KLB: variants seen among roughly 807,000 people sequenced by gnomAD.
KLB encodes the protein klotho beta.
In KLB, 44 loss-of-function variants were observed where a neutral mutation model predicts 88.4. The observed-to-expected ratio is 0.50, with a 90% CI of 0.39 to 0.64. KLB has a LOEUF of 0.64. Ranked by LOEUF, KLB falls within the 30% of genes least tolerant of loss-of-function variation. The pLI is 0.00. For synonymous variants in KLB, 548 were observed against 513.4 expected, an observed-to-expected ratio of 1.07 and a Z score of -0.91; for missense variants, 1,137 against 1,304.8, an observed-to-expected ratio of 0.87 and a Z score of 1.98.
intron 1 of KLB, among the ~76,000 whole-genome samples, chr4:39,417,335 A>G (rs1742986633): frequency 6.7e-6 from 1 of 150,336 alleles, no homozygotes; most frequent in Non-Finnish European, 1.5e-5. Flanking sequence ...TTTGTTTGAG[A>G]CGGAGTTTCG....
At chr4:39,412,707 G>A (rs774362091) in intron 1 of KLB, among the ~76,000 whole-genome samples, 4 of 152,094 alleles carry the variant, frequency 2.6e-5, no homozygotes, top group African/African-American at 4.8e-5. Flanking sequence ...GCACTCATAC[G>A]ACATGATACT....
intron 1 of KLB, among the ~76,000 whole-genome samples, chr4:39,416,148 A>G (rs1402016078): frequency 6.6e-6 from 1 of 151,870 alleles, no homozygotes. Flanking sequence ...CAGGCTAAAC[A>G]TTAGTCTTTC....
chr4:39,438,030 G>A (rs1315387385), intron 3 of KLB, 35 bp downstream of exon 3: 4 of 1,583,168 alleles, frequency 2.5e-6, no homozygotes, highest in Non-Finnish European at 2.6e-6. Flanking sequence ...CATAAACTGG[G>A]AAAAACAGTA....
chr4:39,407,914 G>T, intron 1 of KLB, 140 bp downstream of exon 1: 1 of 540,030 alleles, frequency 1.9e-6, no homozygotes, highest in Non-Finnish European at 3.2e-6. Flanking sequence ...CTCAAATTTT[G>T]CATTTAAGTT....
intron 1 of KLB, among the ~76,000 whole-genome samples, chr4:39,431,791 A>G (rs1743368397): frequency 6.6e-6 from 1 of 152,204 alleles, no homozygotes; most frequent in African/African-American, 2.4e-5. Flanking sequence ...GGTTTATGGA[A>G]TATTTTCAGG....
chr4:39,438,253 A>G (rs1743525731), intron 3 of KLB, among the ~76,000 whole-genome samples: 1 of 152,196 alleles, frequency 6.6e-6, no homozygotes, highest in South Asian at 2.1e-4. Flanking sequence ...TACAGTCTAG[A>G]GGGAACTTAC....
Position 39,437,820 on chromosome 4 carries a change from G to A in KLB, c.1430G>A (p.Gly477Glu). ...CAGGATGCTTACACCATCCGCCGAGGATTATTTTATGTGGATTTTAACAGT... is the reference window on the plus strand; with the variant it reads ...CAGGATGCTTACACCATCCGCCGAGAATTATTTTATGTGGATTTTAACAGT... ...EWQDAYTIRR[G>E]LFYVDFNSKQ... Residue 477 changes from glycine (G) to glutamate (E), a missense_variant, in exon 3 of 5, where the codon GGA (glycine) becomes GAA (glutamate). Coordinates refer to ENST00000257408, the MANE Select transcript of KLB (RefSeq NM_175737.4). 1 of 1,614,136 alleles carries A rather than the reference G, an allele frequency of 6.2e-7. No homozygotes were observed. Among genetic ancestry groups the A allele is most frequent in the East Asian group, 2.2e-5 (1 of 44,888 alleles).
At chr4:39,419,268 C>T (rs763762743) in intron 1 of KLB, among the ~76,000 whole-genome samples, 6 of 152,018 alleles carry the variant, frequency 3.9e-5, no homozygotes, top group African/African-American at 7.3e-5. Flanking sequence ...AATAATATTG[C>T]GATCCTATTT....
In KLB at chr4:39,446,930, G is replaced by A. The variant is rs770004204; in HGVS notation, c.2204G>A (p.Arg735His). ...GACCGGCAGTTCAGGCCCTCACAGC[G>A]CGGGGCCGTGTCGCTGTCGCTGCAC... ...LYDRQFRPSQ[R>H]GAVSLSLHAD... The change falls in exon 4 of 5, where the codon CGC becomes CAC. Residue 735 changes from arginine (R) to histidine (H), a missense_variant. Coordinates refer to ENST00000257408, the MANE Select transcript of KLB (RefSeq NM_175737.4). The surrounding 1 kb of genome is among the most constrained non-coding windows in gnomAD (Gnocchi z 6.4). 1 of 1,604,496 alleles carries A rather than the reference G, an allele frequency of 6.2e-7. No homozygotes were observed. The highest frequency in any genetic ancestry group is 8.5e-7 in the Non-Finnish European group (1 of 1,178,820).
chr4:39,426,407 C>G (rs1743217111), intron 1 of KLB, among the ~76,000 whole-genome samples: 1 of 96,210 alleles, frequency 1.0e-5, no homozygotes. Flanking sequence ...GAGCAAGACT[C>G]CTATCTAAAA....
chr4:39,430,587 G>C (rs1274634791), intron 1 of KLB, among the ~76,000 whole-genome samples: 1 of 136,508 alleles, frequency 7.3e-6, no homozygotes, highest in Non-Finnish European at 1.5e-5. Flanking sequence ...ACTTCTCTGA[G>C]AGGAAATTTT....
Position 39,434,427 on chromosome 4 carries a change from T to C in KLB, c.1043T>C (p.Leu348Ser). 4 of 1,614,190 alleles carry C rather than the reference T, an allele frequency of 2.5e-6. No homozygotes were observed. The East Asian group carries it at 8.9e-5, about 36-fold the overall frequency. The stretch of plus-strand genomic sequence containing the variant: ...TATCCAGAGGGGATGAGAAAGAAGT[T>C]GTTCTCCGTTCTACCCATTTTCTCT... ...GDYPEGMRKK[L>S]FSVLPIFSEA... Residue 348 changes from leucine (L) to serine (S), a missense_variant, in exon 2 of 5, where the codon TTG (leucine) becomes TCG (serine). Leu to Ser is a moderately radical substitution (Grantham distance 145, BLOSUM62 -2). This residue lies in a region of KLB where 597 missense variants were observed against 765.2 expected (regional missense o/e 0.78). Coordinates refer to ENST00000257408, the MANE Select transcript of KLB (RefSeq NM_175737.4).
chr4:39,439,494 C>T (rs996731353), intron 3 of KLB, among the ~76,000 whole-genome samples: 22 of 152,014 alleles, frequency 1.4e-4, no homozygotes, highest in Admixed American at 3.3e-4. Flanking sequence ...GAGACAGAGT[C>T]TCGCTCTGTT....
At chr4:39,437,702 T>A in intron 2 of KLB, 25 bp from the exon 3 acceptor site, 1 of 1,585,570 alleles carries the variant, frequency 6.3e-7, no homozygotes, top group African/African-American at 1.3e-5. Context: ...CCTCTGAACA[T>A]CTCTGCTTTC....
In KLB at chr4:39,448,614, G is replaced by A; in HGVS notation, c.3063G>A (p.Lys1021=). ...CAATTGCCATTTTTCAAAGGCAGAA[G>A]AGAAGAAAGTTTTGGAAAGCAAAAA... ...LLSIAIFQRQ[K]RRKFWKAKNL... is the part of the protein sequence containing the mutation. The change falls in exon 5 of 5, where the codon AAG becomes AAA. Residue 1021 remains lysine, a synonymous_variant. Transcript: ENST00000257408. 6.2e-7 allele frequency: 1 copy of A among 1,614,064 alleles called. No homozygotes were observed. The highest frequency in any genetic ancestry group is 8.5e-7 in the Non-Finnish European group (1 of 1,180,014).
chr4:39,436,407 A>G (rs1743473831), intron 2 of KLB, among the ~76,000 whole-genome samples: 1 of 152,192 alleles, frequency 6.6e-6, no homozygotes. Context: ...GTCTGGGTCA[A>G]ATGCCATGCT....
chr4:39,430,423 C>CAAAAAAAAA (rs1743321317), intron 1 of KLB, among the ~76,000 whole-genome samples: 1 of 56,792 alleles, frequency 1.8e-5, no homozygotes, highest in African/African-American at 4.5e-5. Context: ...AAAAAAAAAG[C>CAAAAAAAAA]GGTTCTCAAG....
intron 3 of KLB, among the ~76,000 whole-genome samples, chr4:39,440,617 T>A (rs558384180): frequency 1.6e-4 from 24 of 152,016 alleles, no homozygotes; most frequent in African/African-American, 4.8e-4. Flanking sequence ...AGAGTTTTGC[T>A]TTGTTGCCTG....
chr4:39,430,915 GT>G (rs76141581), intron 1 of KLB, among the ~76,000 whole-genome samples: 9,418 of 141,744 alleles, frequency 0.066, 354 homozygotes, highest in East Asian at 0.1. Flanking sequence ...CGGTTGGAAA[GT>G]TTTTTTTTTT....
Sources: gnomAD v4.1 joint callset for allele counts (sites outside exome capture counted in the v4.1 genomes callset) on GRCh38, gnomAD v4.1.1 for gene constraint, gnomAD v4.1.1 regional missense constraint, Gnocchi (gnomAD v3.1) non-coding constraint, MANE v1.5 for transcripts, NCBI Gene and HGNC (gene_info 2026-07-23, HGNC 2026-07-21) for gene names.